C2orf92: variants seen among roughly 807,000 people sequenced by gnomAD.
C2orf92 encodes uncharacterized protein C2orf92.
At position 97,688,915 on chromosome 2, in the gene C2orf92, T is replaced by C; in HGVS notation, c.253T>C (p.Phe85Leu). Reference protein sequence around the residue: ...KIFDEILLQVFPKFPYDPSFN... With the variant: ...KIFDEILLQVLPKFPYDPSFN... ...TGGAGATGAAATTCTACTGCAGGTG[T>C]TTCCAAAGTTTCCGTATGACCCATC... The change falls in exon 4 of 8, where the codon TTT becomes CTT. Residue 85 changes from phenylalanine to leucine, a missense_variant. By Grantham distance (22) the Phe-to-Leu change is conservative (BLOSUM62 0). Coordinates refer to ENST00000627399, the MANE Select transcript of C2orf92 (RefSeq NM_001351368.2). 2.5e-6 allele frequency: 1 copy of C among 398,598 alleles called. No individual in the cohort carries two copies. Among genetic ancestry groups the C allele is most frequent in the Non-Finnish European group, 4.4e-6 (1 of 226,058 alleles). The allele number at this position is 398,598 out of a possible 1,614,324, so 24.7% of individuals were successfully genotyped here. A position where few individuals can be genotyped will look rare whatever the true frequency, so the allele number is the denominator to read the frequency against.
chr2:97,700,858 T>C (rs1303175688), intron 6 of C2orf92, among the ~76,000 whole-genome samples: 2 of 151,900 alleles, frequency 1.3e-5, no homozygotes, highest in Non-Finnish European at 2.9e-5. Flanking sequence ...GCCTCCCAAG[T>C]AGCTGGGACT....
chr2:97,694,248 C>CTT (rs1175002909), intron 5 of C2orf92, among the ~76,000 whole-genome samples: 2 of 142,522 alleles, frequency 1.4e-5, no homozygotes. Flanking sequence ...TTCTTTCTTT[C>CTT]TTTTTTTTTT....
chr2:97,701,641 G>C (rs1341614063), intron 7 of C2orf92, among the ~76,000 whole-genome samples: 2 of 152,196 alleles, frequency 1.3e-5, no homozygotes, highest in African/African-American at 4.8e-5. Context: ...ACAAAAGAAA[G>C]GAAAAATACA....
chr2:97,702,145 G>C (rs1297912983), intron 7 of C2orf92: 1 of 152,260 alleles, frequency 6.6e-6, no homozygotes, highest in Non-Finnish European at 1.5e-5. Context: ...TGCTCAGCTT[G>C]CCCCTAGAGC....
rs747038440 is a variant in C2orf92 at position 97,675,862 on chromosome 2, A to C, written c.166A>C (p.Ser56Arg). The C allele has an allele frequency of 6.0e-4, 238 of 399,104 alleles. 2 individuals are homozygous for C. The highest frequency in any genetic ancestry group is 1.5e-3 in the Admixed American group (33 of 22,744). 24.7% of individuals were successfully genotyped at this position (399,104 alleles called of 1,614,324 possible). A position where few individuals can be genotyped will look rare whatever the true frequency, so the allele number is the denominator to read the frequency against. ...DTQKSYSQQK[S>R]LNNAAFASGS... ...TCCCTTAGGCTATTCCCAACAGAAGAGCTTGAACAATGCTGCATTTGCATC... is the reference window on the plus strand; with the variant it reads ...TCCCTTAGGCTATTCCCAACAGAAGCGCTTGAACAATGCTGCATTTGCATC... Residue 56 changes from serine to arginine, a missense_variant, in exon 3 of 8, where the codon AGC (serine) becomes CGC (arginine). Coordinates refer to ENST00000627399, the MANE Select transcript of C2orf92 (RefSeq NM_001351368.2).
At chr2:97,691,665 C>T (rs17028924) in intron 5 of C2orf92, among the ~76,000 whole-genome samples, 7,147 of 152,246 alleles carry the variant, frequency 0.047, 497 homozygotes, top group African/African-American at 0.15. Context: ...GTTCCCGGGC[C>T]GCACCATGCA....
At chr2:97,694,415 ATTTTTTTT>A (rs60768687) in intron 5 of C2orf92, 1 of 129,940 alleles carries the variant, frequency 7.7e-6, no homozygotes, top group African/African-American at 2.9e-5. Context: ...CGCCCGGCTA[ATTTTTTTT>A]TTTTTTTTTT....
intron 3 of C2orf92, among the ~76,000 whole-genome samples, chr2:97,679,698 C>G (rs1291045146): frequency 6.6e-6 from 1 of 150,822 alleles, no homozygotes; most frequent in Non-Finnish European, 1.5e-5. Context: ...AAAAATTAGC[C>G]GGGCAGCAGG....
chr2:97,692,266 G>C (rs1676162863), intron 5 of C2orf92, among the ~76,000 whole-genome samples: 2 of 152,018 alleles, frequency 1.3e-5, no homozygotes, highest in South Asian at 4.1e-4. Flanking sequence ...TGTTGCTATT[G>C]TAAGAGAGGG....
At chr2:97,688,710 C>T (rs374346584) in intron 3 of C2orf92, among the ~76,000 whole-genome samples, 185 bp from the exon 4 acceptor site, 9 of 152,098 alleles carry the variant, frequency 5.9e-5, no homozygotes, top group African/African-American at 1.4e-4. Flanking sequence ...CACAATTTTC[C>T]GGAAATGATT....
intron 3 of C2orf92, among the ~76,000 whole-genome samples, chr2:97,688,429 AG>A (rs1257893412): frequency 2.0e-5 from 3 of 152,206 alleles, no homozygotes; most frequent in African/African-American, 7.2e-5. Flanking sequence ...TTAAAAGGGA[AG>A]GAGAACTTAA....
chr2:97,681,536 C>T (rs143728090), intron 3 of C2orf92, among the ~76,000 whole-genome samples: 2 of 152,274 alleles, frequency 1.3e-5, no homozygotes, highest in East Asian at 3.9e-4. Context: ...GCAGTGAAAG[C>T]AATGCCAAGA....
chr2:97,671,653 A>C, intron 1 of C2orf92: 5 of 392,310 alleles, frequency 1.3e-5, no homozygotes, highest in East Asian at 7.2e-5. Context: ...TCACAGTCTC[A>C]GGAAATTAAG....
chr2:97,677,088 GCCGAATTTCAACAT>G (rs1446359342), intron 3 of C2orf92, among the ~76,000 whole-genome samples: 2 of 152,198 alleles, frequency 1.3e-5, no homozygotes, highest in Non-Finnish European at 2.9e-5. Context: ...TGAAGAGGCT[GCCGAATTTCAACAT>G]TTTGGGTAGT....
intron 3 of C2orf92, chr2:97,677,493 CA>C (rs1431765291): frequency 6.6e-6 from 1 of 152,176 alleles, no homozygotes; most frequent in Non-Finnish European, 1.5e-5. Flanking sequence ...CACTTTCACA[CA>C]ACAAGAAGTA....
chr2:97,681,298 CAA>C (rs1449819437), intron 3 of C2orf92, among the ~76,000 whole-genome samples: 1 of 151,954 alleles, frequency 6.6e-6, no homozygotes, highest in Non-Finnish European at 1.5e-5. Flanking sequence ...TGTTAGGACA[CAA>C]ATCTTCATTA....
chr2:97,665,518 A>G (rs1474963762), upstream of C2orf92, among the ~76,000 whole-genome samples: 1 of 152,040 alleles, frequency 6.6e-6, no homozygotes, highest in Non-Finnish European at 1.5e-5. Flanking sequence ...CTCAGAAAGC[A>G]AGAGGGGGAA....
At chr2:97,690,785 TG>T (rs1479624707) in intron 5 of C2orf92, among the ~76,000 whole-genome samples, 9 of 146,304 alleles carry the variant, frequency 6.2e-5, no homozygotes, top group Non-Finnish European at 1.4e-4. Context: ...TTTTTTTTTT[TG>T]TTTTTTTTTT....
Position 97,675,825 on chromosome 2 carries a change from C to A in C2orf92, c.149-20C>A. 1 of 399,080 alleles carries A rather than the reference C, an allele frequency of 2.5e-6. No individual in the cohort carries two copies. Among genetic ancestry groups the A allele is most frequent in the Admixed American group, 4.4e-5 (1 of 22,740 alleles). The allele number at this position is 399,080 out of a possible 1,614,324, so 24.7% of individuals were successfully genotyped here. A position where few individuals can be genotyped will look rare whatever the true frequency, so the allele number is the denominator to read the frequency against. ...ACCCAATGAAAGACTTAATCACAGC[C>A]ATGGTTTATTTTCCCTTAGGCTATT... is the stretch of plus-strand genomic sequence containing the variant. On this transcript the variant is annotated intron_variant, in intron 2 of 7. Coordinates refer to ENST00000627399, the MANE Select transcript of C2orf92 (RefSeq NM_001351368.2).
Sources: gnomAD v4.1 joint callset for allele counts (sites outside exome capture counted in the v4.1 genomes callset) on GRCh38, gnomAD v4.1.1 for gene constraint, MANE v1.5 for transcripts, NCBI Gene and HGNC (gene_info 2026-07-23, HGNC 2026-07-21) for gene names.